ATP11C: variants seen among roughly 807,000 people sequenced by gnomAD.
The protein encoded by ATP11C is ATPase phospholipid transporting 11C (ATP11C blood group), also known as phospholipid-transporting ATPase IG.
A neutral mutation model predicts 97.4 loss-of-function variants in ATP11C; 36 were observed. The ratio of observed to expected loss-of-function variants is 0.37; its 90% CI spans 0.28 to 0.49. The LOEUF (loss-of-function observed/expected upper bound fraction) is 0.49. Among genes scored for constraint, ATP11C ranks in the 20% least tolerant of loss-of-function variants. The probability of loss-of-function intolerance (pLI) is 0.98; values close to 1 mark genes in which losing one functional copy is unlikely to be tolerated. For missense variants in ATP11C, 730 were observed against 824.6 expected (o/e 0.89, Z 1.40); for synonymous variants, 275 against 290.9 (o/e 0.95, Z 0.56).
At chrX:139,840,992 G>A (rs2147925812) in intron 1 of ATP11C, among the ~76,000 whole-genome samples, 1 of 111,561 alleles carries the variant, frequency 9.0e-6, no homozygotes, top group East Asian at 2.8e-4. Flanking sequence ...AATACCACTT[G>A]TTCCCCAAAA....
intron 1 of ATP11C, among the ~76,000 whole-genome samples, chrX:139,857,859 G>A (rs748358389): frequency 4.5e-5 from 5 of 111,958 alleles, no homozygotes; most frequent in South Asian, 3.8e-4. Flanking sequence ...AAGGACATGG[G>A]TTTCAGGGCC....
chrX:139,928,450 T>C (rs1379097750), intron 1 of ATP11C, among the ~76,000 whole-genome samples: 1 of 111,543 alleles, frequency 9.0e-6, no homozygotes, highest in Non-Finnish European at 1.9e-5. Flanking sequence ...ACTCTGATAG[T>C]TTAAAGGGGA....
intron 1 of ATP11C, among the ~76,000 whole-genome samples, chrX:139,853,079 C>T (rs776266470): frequency 2.7e-5 from 3 of 111,489 alleles, no homozygotes; most frequent in African/African-American, 9.8e-5. Flanking sequence ...CTGGGACAGG[C>T]AAGGCGAGAC....
At chrX:139,825,027 C>G (rs766905385) in intron 2 of ATP11C, among the ~76,000 whole-genome samples, 1 of 111,477 alleles carries the variant, frequency 9.0e-6, no homozygotes, top group African/African-American at 3.3e-5. Context: ...CGGAGTAGAC[C>G]TGAAGGCCTC....
At chrX:139,893,659 G>C (rs963169021) in intron 1 of ATP11C, among the ~76,000 whole-genome samples, 16 of 109,068 alleles carry the variant, frequency 1.5e-4, no homozygotes, top group Non-Finnish European at 2.9e-4. Context: ...GTCTTAAGGG[G>C]TTTAAGCAAT....
intron 1 of ATP11C, among the ~76,000 whole-genome samples, chrX:139,867,126 G>GT (rs1361386178): frequency 9.0e-6 from 1 of 111,572 alleles, no homozygotes; most frequent in East Asian, 2.8e-4. Context: ...AGAGGCAGCT[G>GT]AATTTGTTGA....
At chrX:139,776,479 A>G (rs763067479) in intron 18 of ATP11C, among the ~76,000 whole-genome samples, 54 of 111,978 alleles carry the variant, frequency 4.8e-4, no homozygotes, top group African/African-American at 1.8e-3. Flanking sequence ...ACCAAAGGAT[A>G]AAGTCTATAC....
chrX:139,760,671 C>T (rs959357953), intron 22 of ATP11C, among the ~76,000 whole-genome samples: 1 of 111,405 alleles, frequency 9.0e-6, no homozygotes, highest in Non-Finnish European at 1.9e-5. Context: ...AACAAGTATG[C>T]AGACTCAGTC....
chrX:139,727,943 C>G lies in ATP11C; in HGVS notation c.*1023G>C, dbSNP rs2081277974. The G allele has an allele frequency of 8.9e-6, 1 of 112,133 alleles. No homozygotes were observed. Among genetic ancestry groups the G allele is most frequent in the Non-Finnish European group, 1.9e-5 (1 of 53,050 alleles). 9.2% of individuals were successfully genotyped at this position (112,133 alleles called of 1,213,427 possible). On this transcript the variant is annotated 3_prime_UTR_variant, in exon 30 of 30. Coordinates refer to ENST00000682941, the MANE Select transcript of ATP11C (RefSeq NM_001353812.2). ...CACCGTTTTGGGGTGGCTCCTTCCC[C>G]CTTTCCAAATTGGCCAAGTTTAAGA...
intron 28 of ATP11C, among the ~76,000 whole-genome samples, chrX:139,737,429 A>C (rs1344490310): frequency 9.0e-6 from 1 of 111,007 alleles, no homozygotes; most frequent in African/African-American, 3.3e-5. Flanking sequence ...TGGTTCAAAT[A>C]TACTGCTGGA....
chrX:139,812,006 C>A (rs1398125983), intron 5 of ATP11C, among the ~76,000 whole-genome samples: 1 of 111,457 alleles, frequency 9.0e-6, no homozygotes, highest in Non-Finnish European at 1.9e-5. Context: ...TCTCTGATTG[C>A]ACATTCATGC....
At chrX:139,812,859 T>C (rs988735240) in intron 5 of ATP11C, among the ~76,000 whole-genome samples, 3 of 112,136 alleles carry the variant, frequency 2.7e-5, no homozygotes, top group Non-Finnish European at 5.6e-5. Context: ...GCTGAGTTTC[T>C]ACAGTTGTTT....
At chrX:139,854,464 G>T (rs888328499) in intron 1 of ATP11C, among the ~76,000 whole-genome samples, 2 of 111,850 alleles carry the variant, frequency 1.8e-5, no homozygotes, top group East Asian at 2.8e-4. Flanking sequence ...GAAAAAAAAG[G>T]GGGGAGGAGA....
intron 1 of ATP11C, among the ~76,000 whole-genome samples, chrX:139,847,124 C>T (rs2083920512): frequency 9.0e-6 from 1 of 111,067 alleles, no homozygotes; most frequent in Admixed American, 9.6e-5. Context: ...GTGGCTCACA[C>T]CTGTAATCCC....
At chrX:139,834,538 C>T (rs2147907171) in intron 1 of ATP11C, among the ~76,000 whole-genome samples, 1 of 112,022 alleles carries the variant, frequency 8.9e-6, no homozygotes, top group Admixed American at 9.5e-5. Flanking sequence ...ATTCCTAAAA[C>T]ATGCTTAAAA....
intron 1 of ATP11C, among the ~76,000 whole-genome samples, chrX:139,845,211 G>A (rs1022195348): frequency 2.7e-5 from 3 of 111,179 alleles, no homozygotes; most frequent in Non-Finnish European, 5.7e-5. Context: ...TCCAGCTAGT[G>A]CCCTAGCACT....
At position 139,768,239 on chromosome X, in the gene ATP11C, TTAAC is replaced by T. The variant is rs781583861; in HGVS notation, c.2391+17_2391+20del. ...GTATAGAAGTATCCAGAATGGAACGTTAACTAATATTCACAGTTACCTGGGCTTT... is the reference window on the plus strand; with the variant it reads ...GTATAGAAGTATCCAGAATGGAACGTTAATATTCACAGTTACCTGGGCTTT... On this transcript the variant is annotated intron_variant, in intron 20 of 29. Transcript: ENST00000682941. 25 of 1,034,464 alleles carry T rather than the reference TTAAC, an allele frequency of 2.4e-5. No homozygotes were observed. Among genetic ancestry groups the T allele is most frequent in the Non-Finnish European group, 3.1e-5 (25 of 794,039 alleles). The allele number at this position is 1,034,464 out of a possible 1,213,427, so 85.3% of individuals were successfully genotyped here.
At chrX:139,873,248 T>G (rs2148022345) in intron 1 of ATP11C, among the ~76,000 whole-genome samples, 1 of 112,428 alleles carries the variant, frequency 8.9e-6, no homozygotes, top group Non-Finnish European at 1.9e-5. Flanking sequence ...AGACAAAAAG[T>G]AGAACAGTGG....
At chrX:139,830,763 A>C (rs926780690) in intron 1 of ATP11C, among the ~76,000 whole-genome samples, 1 of 111,764 alleles carries the variant, frequency 8.9e-6, no homozygotes, top group Non-Finnish European at 1.9e-5. Flanking sequence ...CTCCAGCCCA[A>C]AGCTATTTTC....
Sources: gnomAD v4.1 joint callset for allele counts (sites outside exome capture counted in the v4.1 genomes callset) on GRCh38, gnomAD v4.1.1 for gene constraint, MANE v1.5 for transcripts, NCBI Gene and HGNC (gene_info 2026-07-23, HGNC 2026-07-21) for gene names.